Variants in PRKAG2 observed in about 807,000 individuals in gnomAD.
The protein encoded by PRKAG2 is 5'-AMP-activated protein kinase subunit gamma-2.
In PRKAG2, 26 loss-of-function variants were observed where a neutral mutation model predicts 69.6. The observed-to-expected ratio is 0.37, with a 90% CI of 0.27 to 0.52. The LOEUF (loss-of-function observed/expected upper bound fraction) is 0.52. Ranked by LOEUF, PRKAG2 falls within the 20% of genes least tolerant of loss-of-function variation. The probability of loss-of-function intolerance (pLI) is 0.90; values close to 1 mark genes in which losing one functional copy is unlikely to be tolerated. For missense variants in PRKAG2, 557 were observed against 740.0 expected, an observed-to-expected ratio of 0.75 and a Z score of 2.87; for synonymous variants, 293 against 285.0, an observed-to-expected ratio of 1.03 and a Z score of -0.28.
chr7:151,875,448 G>A (rs1004279414), intron 1 of PRKAG2, among the ~76,000 whole-genome samples: 2 of 152,226 alleles, frequency 1.3e-5, no homozygotes, highest in Non-Finnish European at 2.9e-5. Context: ...CATGCCAGCT[G>A]CGCCTGACCC....
chr7:151,786,109 C>T (rs1344945948), intron 2 of PRKAG2, among the ~76,000 whole-genome samples: 3 of 152,210 alleles, frequency 2.0e-5, no homozygotes, highest in Admixed American at 1.3e-4. Context: ...TCGAACTCAG[C>T]CCAAAGACCA....
rs1261958795 is a variant in PRKAG2, at chr7:151,638,406, G to A, written c.685-6268C>T. On this transcript the variant is annotated intron_variant, in intron 4 of 15. Coordinates refer to ENST00000287878, the MANE Select transcript of PRKAG2 (RefSeq NM_016203.4). The surrounding 1 kb of genome is among the most constrained non-coding windows in gnomAD (Gnocchi z 4.3). The stretch of plus-strand genomic sequence containing the variant: ...TCCCAGCACTTTGGGAGGCCGAGGC[G>A]GGCGGATCACAAGGTCAGGAGATCG... Among the ~76,000 whole-genome samples the A allele has an allele frequency of 2.0e-5, 3 of 152,132 alleles. No individual in the cohort carries two copies. Among genetic ancestry groups the A allele is most frequent in the Non-Finnish European group, 2.9e-5 (2 of 68,024 alleles).
chr7:151,693,814 G>A (rs1215068475), intron 3 of PRKAG2, among the ~76,000 whole-genome samples: 1 of 152,222 alleles, frequency 6.6e-6, no homozygotes, highest in Non-Finnish European at 1.5e-5. Context: ...AGCAGACACA[G>A]AATCTACCAG....
chr7:151,679,235 G>A (rs371857880), intron 3 of PRKAG2, among the ~76,000 whole-genome samples: 57 of 152,256 alleles, frequency 3.7e-4, no homozygotes, highest in African/African-American at 1.3e-3. Context: ...AGGCCTGCCC[G>A]GGGCCTCTCA....
intron 1 of PRKAG2, among the ~76,000 whole-genome samples, chr7:151,858,371 T>TTAA (rs2079837163): frequency 2.6e-5 from 4 of 152,274 alleles, no homozygotes; most frequent in Non-Finnish European, 5.9e-5. Flanking sequence ...CTGAAGCTAC[T>TTAA]GGCTCCTTGG....
intron 6 of PRKAG2, among the ~76,000 whole-genome samples, chr7:151,581,050 C>T (rs1810351317): frequency 6.6e-6 from 1 of 152,062 alleles, no homozygotes; most frequent in African/African-American, 2.4e-5. Context: ...CAAAATATTT[C>T]ATGCACCCTA....
intron 1 of PRKAG2, among the ~76,000 whole-genome samples, chr7:151,819,267 T>C (rs1299462521): frequency 6.6e-6 from 1 of 152,218 alleles, no homozygotes; most frequent in Non-Finnish European, 1.5e-5. Context: ...TCGGAGTGCA[T>C]CTGCCAGAGG....
chr7:151,846,425 A>G (rs1053062577), intron 1 of PRKAG2, among the ~76,000 whole-genome samples: 3 of 151,298 alleles, frequency 2.0e-5, no homozygotes, highest in Non-Finnish European at 4.4e-5. Flanking sequence ...CCAAGATCGC[A>G]CCACTGCACT....
At chr7:151,703,440 C>T (rs942426183) in intron 3 of PRKAG2, among the ~76,000 whole-genome samples, 1 of 152,186 alleles carries the variant, frequency 6.6e-6, no homozygotes, top group African/African-American at 2.4e-5. Context: ...GTCAAGCCCT[C>T]AGTTGTCTTA....
chr7:151,832,595 T>TGGA (rs1554614828), intron 1 of PRKAG2, among the ~76,000 whole-genome samples: 5 of 141,792 alleles, frequency 3.5e-5, no homozygotes, highest in Admixed American at 3.5e-4. Context: ...GAGGCATCTC[T>TGGA]GGGGGGGGGG....
intron 3 of PRKAG2, among the ~76,000 whole-genome samples, chr7:151,724,784 C>T (rs1373282370): frequency 2.6e-5 from 4 of 151,982 alleles, no homozygotes; most frequent in East Asian, 3.9e-4. Flanking sequence ...CTCCAAGTGC[C>T]GACTTGCAGA....
rs559466569 is a variant in PRKAG2 at position 151,680,757 on chromosome 7, G to A, written c.467-5120C>T. On this transcript the variant is annotated intron_variant, in intron 3 of 15. Coordinates refer to ENST00000287878, the MANE Select transcript of PRKAG2 (RefSeq NM_016203.4). Reference sequence around the variant, plus strand: ...CTTCCTGCCCTGCCTGCCCCGACGCGCCCCCCAGCTCTGTGCAGGGGTGTC... The same window carrying A: ...CTTCCTGCCCTGCCTGCCCCGACGCACCCCCCAGCTCTGTGCAGGGGTGTC... 7.9e-5 allele frequency among the ~76,000 whole-genome samples: 12 copies of A among 152,158 alleles called. 1 individual carries two copies. The South Asian group carries it at 1.7e-3, about 21-fold the overall frequency.
intron 6 of PRKAG2, among the ~76,000 whole-genome samples, chr7:151,577,604 T>C (rs1321099989): frequency 2.6e-5 from 4 of 152,174 alleles, no homozygotes; most frequent in Non-Finnish European, 5.9e-5. Flanking sequence ...TCACAAAGTA[T>C]TCATATTGCT....
rs1486988282 is a variant in PRKAG2 at position 151,807,747 on chromosome 7, A to T, written c.115-21206T>A. On this transcript the variant is annotated intron_variant, in intron 1 of 15. Transcript: ENST00000287878. This position sits in a 1 kb window ranked among gnomAD's most constrained non-coding sequence, Gnocchi z 4.4. ...ATTTCAGAGGAAGCCAGGAGCGAGA[A>T]CTCGTGCATCCGAACCCTTCTCTGA... The T allele has an allele frequency of 2.6e-6, 1 of 382,860 alleles. No individual in the cohort carries two copies. Among genetic ancestry groups the T allele is most frequent in the African/African-American group, 2.1e-5 (1 of 47,836 alleles). The allele number at this position is 382,860 out of a possible 1,614,324, so 23.7% of individuals were successfully genotyped here.
chr7:151,776,077 C>T (rs892203851), intron 3 of PRKAG2, among the ~76,000 whole-genome samples: 28 of 152,216 alleles, frequency 1.8e-4, no homozygotes, highest in African/African-American at 4.8e-4. Context: ...CCTGGAGCTT[C>T]GTGCCTTATC....
At chr7:151,783,545 C>T (rs1158056741) in intron 2 of PRKAG2, among the ~76,000 whole-genome samples, 4 of 151,710 alleles carry the variant, frequency 2.6e-5, no homozygotes, top group Admixed American at 2.6e-4. Flanking sequence ...TTTAGATTCT[C>T]TGTTTATAGA....
intron 4 of PRKAG2, among the ~76,000 whole-genome samples, chr7:151,668,449 G>T (rs902197723): frequency 6.6e-6 from 1 of 152,212 alleles, no homozygotes; most frequent in African/African-American, 2.4e-5. Context: ...AGAGCATAGA[G>T]AATTCAGACT....
chr7:151,558,377 T>C (rs996144267), intron 15 of PRKAG2: 94 of 985,310 alleles, frequency 9.5e-5, no homozygotes, highest in Non-Finnish European at 1.1e-4. Flanking sequence ...CTGCGCCTCA[T>C]TGCACACACA....
chr7:151,686,639 C>T (rs186928966), intron 3 of PRKAG2, among the ~76,000 whole-genome samples: 41 of 152,300 alleles, frequency 2.7e-4, no homozygotes, highest in African/African-American at 8.2e-4. Context: ...GTTTCACACC[C>T]GCCTGGTGTC....
Sources: gnomAD v4.1 joint callset for allele counts (sites outside exome capture counted in the v4.1 genomes callset) on GRCh38, gnomAD v4.1.1 for gene constraint, Gnocchi (gnomAD v3.1) non-coding constraint, MANE v1.5 for transcripts, NCBI Gene and HGNC (gene_info 2026-07-23, HGNC 2026-07-21) for gene names.